The following TMX2 variants were observed in gnomAD, a reference collection of about 807,000 sequenced individuals.
TMX2 encodes the protein thioredoxin-related transmembrane protein 2.
TMX2 carries 20 observed loss-of-function variants against 33.4 expected under a neutral mutation model. The ratio of observed to expected loss-of-function variants is 0.60; its 90% confidence interval spans 0.42 to 0.87. The LOEUF is 0.87. Ranked by LOEUF, TMX2 falls within the 40% of genes least tolerant of loss-of-function variation. TMX2 has a pLI of 0.00. For synonymous variants in TMX2, 166 were observed against 140.7 expected (o/e 1.18, Z -1.27); for missense variants, 340 against 370.7 (o/e 0.92, Z 0.68).
At chr11:57,727,702 G>A (rs1286842050) in intron 1 of TMX2, among the ~76,000 whole-genome samples, 1 of 152,158 alleles carries the variant, frequency 6.6e-6, no homozygotes, top group African/African-American at 2.4e-5. Flanking sequence ...ATTCTGTAGA[G>A]AATCCCCTCT....
intron 1 of TMX2, among the ~76,000 whole-genome samples, chr11:57,730,113 A>C (rs1170097200): frequency 7.0e-6 from 1 of 142,110 alleles, no homozygotes; most frequent in Non-Finnish European, 1.6e-5. Context: ...CCCCCCACAA[A>C]AAAAAATAAT....
intron 1 of TMX2, among the ~76,000 whole-genome samples, chr11:57,715,397 G>C (rs1946907620): frequency 6.6e-6 from 1 of 151,426 alleles, no homozygotes; most frequent in Non-Finnish European, 1.5e-5. Flanking sequence ...GCAAAGTTCT[G>C]TCTCAAAATA....
chr11:57,713,783 G>A (rs1478251026), intron 1 of TMX2, among the ~76,000 whole-genome samples: 1 of 152,186 alleles, frequency 6.6e-6, no homozygotes, highest in Non-Finnish European at 1.5e-5. Flanking sequence ...AAGGTGGATC[G>A]TAAATGATTT....
At chr11:57,716,161 G>A (rs1220000101) in intron 1 of TMX2, among the ~76,000 whole-genome samples, 2 of 151,880 alleles carry the variant, frequency 1.3e-5, no homozygotes, top group African/African-American at 4.8e-5. Context: ...AGGGGTGGCC[G>A]GGCAGAGGCG....
intron 1 of TMX2, among the ~76,000 whole-genome samples, chr11:57,729,403 C>G (rs958945634): frequency 4.0e-5 from 6 of 151,598 alleles, no homozygotes; most frequent in Admixed American, 3.9e-4. Flanking sequence ...TTTTGCAAGT[C>G]GGTGAAGTTG....
chr11:57,718,107 TC>T, intron 1 of TMX2: 1 of 1,237,260 alleles, frequency 8.1e-7, no homozygotes, highest in Non-Finnish European at 1.2e-6. Flanking sequence ...CCCAAAGCGC[TC>T]CATGGCCTCT....
At chr11:57,733,455 C>T (rs1428845606) in intron 1 of TMX2, among the ~76,000 whole-genome samples, 4 of 151,858 alleles carry the variant, frequency 2.6e-5, no homozygotes, top group African/African-American at 7.3e-5. Flanking sequence ...ACGGGTTTCA[C>T]CATGTAGGCC....
At chr11:57,727,962 G>A (rs533065495) in intron 1 of TMX2, among the ~76,000 whole-genome samples, 1 of 152,230 alleles carries the variant, frequency 6.6e-6, no homozygotes, top group Non-Finnish European at 1.5e-5. Flanking sequence ...CTACAGCCCC[G>A]CTTTGAGTTG....
At chr11:57,721,345 GTTT>G (rs71061532) in intron 1 of TMX2, among the ~76,000 whole-genome samples, 153 of 105,250 alleles carry the variant, frequency 1.5e-3, no homozygotes, top group African/African-American at 4.5e-3. Context: ...AATAAATAAA[GTTT>G]TTTTTTTTTT....
At chr11:57,728,874 C>A (rs1333703164) in intron 1 of TMX2, among the ~76,000 whole-genome samples, 1 of 152,070 alleles carries the variant, frequency 6.6e-6, no homozygotes, top group Non-Finnish European at 1.5e-5. Context: ...AGGGAAATCC[C>A]TTTAGGGATT....
intron 7 of TMX2, 130 bp downstream of exon 7, chr11:57,739,390 C>T: frequency 2.4e-6 from 2 of 847,294 alleles, no homozygotes; most frequent in Non-Finnish European, 3.8e-6. Flanking sequence ...GTTACTAGAC[C>T]TCATGTTTTA....
chr11:57,725,363 C>A (rs1947909613), intron 1 of TMX2, among the ~76,000 whole-genome samples: 1 of 152,150 alleles, frequency 6.6e-6, no homozygotes, highest in African/African-American at 2.4e-5. Flanking sequence ...TGCTAATGCT[C>A]TGCTGCTAAA....
intron 7 of TMX2, 125 bp downstream of exon 7, chr11:57,739,385 T>C: frequency 1.1e-6 from 1 of 891,528 alleles, no homozygotes; most frequent in Non-Finnish European, 1.8e-6. Context: ...GACTAGTTAC[T>C]AGACCTCATG....
intron 1 of TMX2, among the ~76,000 whole-genome samples, chr11:57,730,547 G>A (rs1316335067): frequency 6.7e-6 from 1 of 149,574 alleles, no homozygotes; most frequent in East Asian, 2.0e-4. Flanking sequence ...GATCAGCCTG[G>A]CCAACATGGC....
chr11:57,729,173 A>C (rs111259920), intron 1 of TMX2, among the ~76,000 whole-genome samples: 1 of 152,074 alleles, frequency 6.6e-6, no homozygotes, highest in African/African-American at 2.4e-5. Flanking sequence ...AAATGAGGAG[A>C]ATGTCCCCTT....
chr11:57,728,821 G>C (rs568415471), intron 1 of TMX2, among the ~76,000 whole-genome samples: 6 of 152,160 alleles, frequency 3.9e-5, no homozygotes, highest in Non-Finnish European at 5.9e-5. Context: ...GGGCTTTGTG[G>C]GAGTGTCCAG....
chr11:57,725,189 C>T (rs1015435861), intron 1 of TMX2, among the ~76,000 whole-genome samples: 2 of 152,036 alleles, frequency 1.3e-5, no homozygotes, highest in South Asian at 2.1e-4. Context: ...GAGCATTTAT[C>T]GGGGCTGATG....
chr11:57,733,289 C>G (rs1948513176), intron 1 of TMX2, among the ~76,000 whole-genome samples: 1 of 109,872 alleles, frequency 9.1e-6, no homozygotes, highest in Non-Finnish European at 1.7e-5. Flanking sequence ...GAGTTTCACT[C>G]TTGTCGCCCA....
intron 1 of TMX2, among the ~76,000 whole-genome samples, chr11:57,727,158 C>T (rs1009670290): frequency 3.3e-5 from 5 of 151,770 alleles, no homozygotes; most frequent in African/African-American, 4.9e-5. Flanking sequence ...AGATCTGATC[C>T]GGGATTTTTT....
Sources: gnomAD v4.1 joint callset for allele counts (sites outside exome capture counted in the v4.1 genomes callset) on GRCh38, gnomAD v4.1.1 for gene constraint, MANE v1.5 for transcripts, NCBI Gene and HGNC (gene_info 2026-07-23, HGNC 2026-07-21) for gene names.